PDSS1: variants seen among roughly 807,000 people sequenced by gnomAD.
The protein encoded by PDSS1 is all trans-polyprenyl-diphosphate synthase PDSS1.
Under a neutral mutation model 57.5 loss-of-function variants are expected in PDSS1, and 43 were observed. That is an observed-to-expected ratio of 0.75 (90% CI 0.59 to 0.96). The LOEUF (loss-of-function observed/expected upper bound fraction) is 0.96, where lower values mean the gene tolerates loss of function less well. PDSS1 is among the 50% of genes least tolerant of loss of function. The pLI is 0.00. For missense variants in PDSS1, 438 were observed against 527.8 expected (o/e 0.83, Z 1.67); for synonymous variants, 175 against 191.3 (o/e 0.91, Z 0.70).
At chr10:26,709,122 G>T (rs1255647492) in intron 4 of PDSS1, among the ~76,000 whole-genome samples, 1 of 152,166 alleles carries the variant, frequency 6.6e-6, no homozygotes, top group Non-Finnish European at 1.5e-5. Context: ...TAGCATTCAG[G>T]CCACTTGGGG....
At position 26,724,057 on chromosome 10, in the gene PDSS1, A is replaced by G. The variant is rs2132269797; in HGVS notation, c.765A>G (p.Arg255=). The change falls in exon 8 of 12, where the codon AGA becomes AGG. Residue 255 remains arginine (R), a synonymous_variant. Coordinates refer to ENST00000376215, the MANE Select transcript of PDSS1 (RefSeq NM_014317.5). The part of the protein sequence containing the change: ...QLGSKENENE[R]FAHYLEKTFK... ...GGTCAAAAGAAAATGAGAATGAAAG[A>G]TTTGCACACTACCTTGAGAAGACAT... 6.2e-7 allele frequency: 1 copy of G among 1,614,110 alleles called. No homozygotes were observed. The highest frequency in any genetic ancestry group is 1.3e-5 in the African/African-American group (1 of 75,036).
chr10:26,723,777 C>T lies in PDSS1; in HGVS notation c.610-29C>T, dbSNP rs149808733. 186 of 1,459,130 alleles carry T rather than the reference C, an allele frequency of 1.3e-4. No homozygotes were observed. The African/African-American group carries it at 1.6e-3, about 13-fold the overall frequency. The allele number at this position is 1,459,130 out of a possible 1,614,324, so 90.4% of individuals were successfully genotyped here. On this transcript the variant is annotated intron_variant, in intron 6 of 11. Transcript: ENST00000376215. Reference sequence around the variant, plus strand: ...TACTGCTCTGATGGATTTTTCAGAACGTTCTGTTTTCCCCCTGTCTTTTTC... The same window carrying T: ...TACTGCTCTGATGGATTTTTCAGAATGTTCTGTTTTCCCCCTGTCTTTTTC...
intron 8 of PDSS1, among the ~76,000 whole-genome samples, chr10:26,724,920 A>G (rs1835904522): frequency 6.6e-6 from 1 of 152,166 alleles, no homozygotes; most frequent in Non-Finnish European, 1.5e-5. Context: ...TTTTACATGA[A>G]ATATAAACAA....
chr10:26,738,360 G>A (rs1836473081), intron 10 of PDSS1, among the ~76,000 whole-genome samples: 1 of 152,168 alleles, frequency 6.6e-6, no homozygotes, highest in Non-Finnish European at 1.5e-5. Context: ...TCTGGTAAAT[G>A]GCACAGCAGG....
chr10:26,730,068 A>G (rs1259260221), intron 8 of PDSS1, among the ~76,000 whole-genome samples: 6 of 151,394 alleles, frequency 4.0e-5, no homozygotes, highest in Non-Finnish European at 7.4e-5. Context: ...GCCCGCTACC[A>G]CGCCCGGCTA....
At chr10:26,714,443 C>T (rs978688293) in intron 5 of PDSS1, among the ~76,000 whole-genome samples, 1 of 148,954 alleles carries the variant, frequency 6.7e-6, no homozygotes, top group African/African-American at 2.5e-5. Flanking sequence ...CCACTGCACT[C>T]CAGCCTAGGG....
chr10:26,719,251 G>C lies in PDSS1; in HGVS notation c.468-967G>C, dbSNP rs112923632. Among the ~76,000 whole-genome samples, 282 of 152,332 alleles carry C rather than the reference G, an allele frequency of 1.9e-3. 1 individual carries two copies. The highest frequency in any genetic ancestry group is 6.5e-3 in the African/African-American group (269 of 41,576). On this transcript the variant is annotated intron_variant, in intron 5 of 11. Transcript: ENST00000376215. ...AATTTAGTTTTTAAAAATTGCCATA[G>C]ATGATGGTGGTAATAATGATTAAAA...
intron 6 of PDSS1, among the ~76,000 whole-genome samples, chr10:26,721,902 A>G (rs904347538): frequency 6.6e-6 from 1 of 152,174 alleles, no homozygotes; most frequent in African/African-American, 2.4e-5. Flanking sequence ...GCACAGGGCT[A>G]CTTGCCAGTT....
At chr10:26,709,561 C>CAAA in intron 4 of PDSS1, 77 bp from the exon 5 acceptor site, 2 of 1,153,722 alleles carry the variant, frequency 1.7e-6, no homozygotes, top group Non-Finnish European at 2.4e-6. Flanking sequence ...AACTCCGTCT[C>CAAA]AAAAAAAAAA....
chr10:26,732,583 G>A (rs1836250638), intron 8 of PDSS1, among the ~76,000 whole-genome samples: 1 of 152,188 alleles, frequency 6.6e-6, no homozygotes, highest in Admixed American at 6.5e-5. Context: ...TCAGGTTCCA[G>A]CGTGTTGGAG....
In PDSS1 at chr10:26,746,428, T is replaced by C; in HGVS notation, c.1203T>C (p.Asp401=). The C allele has an allele frequency of 6.2e-7, 1 of 1,613,976 alleles. No homozygotes were observed. Among genetic ancestry groups the C allele is most frequent in the Non-Finnish European group, 8.5e-7 (1 of 1,179,846 alleles). Residue 401 remains aspartate, a synonymous_variant, in exon 12 of 12, where the codon GAT becomes GAC. Transcript: ENST00000376215. Reference sequence around the variant, plus strand: ...AACTTCGACCATCCCCAGAAAGAGATGCCCTCATTCAGCTTTCAGAAATTG... The same window carrying C: ...AACTTCGACCATCCCCAGAAAGAGACGCCCTCATTCAGCTTTCAGAAATTG... ...ISKLRPSPER[D]ALIQLSEIVL...
intron 8 of PDSS1, among the ~76,000 whole-genome samples, chr10:26,728,843 A>G (rs964175304): frequency 7.0e-6 from 1 of 142,362 alleles, no homozygotes; most frequent in African/African-American, 2.7e-5. Flanking sequence ...CAGTGGTGCA[A>G]TCTCAGCTCA....
chr10:26,714,066 G>A (rs1016258843), intron 5 of PDSS1, among the ~76,000 whole-genome samples: 5 of 152,074 alleles, frequency 3.3e-5, no homozygotes, highest in South Asian at 2.1e-4. Context: ...GGATAATCCC[G>A]AATAAACATC....
chr10:26,728,870 C>G (rs865787436), intron 8 of PDSS1, among the ~76,000 whole-genome samples: 37 of 149,798 alleles, frequency 2.5e-4, no homozygotes, highest in African/African-American at 8.8e-4. Flanking sequence ...CCTCCACCTC[C>G]CGGGCTCAGG....
chr10:26,721,699 A>G (rs1485098177), intron 6 of PDSS1, among the ~76,000 whole-genome samples: 1 of 152,188 alleles, frequency 6.6e-6, no homozygotes, highest in Non-Finnish European at 1.5e-5. Flanking sequence ...ATCTGTTTTC[A>G]GGCATAGCCA....
Position 26,697,825 on chromosome 10 carries a change from C to T in PDSS1, c.114C>T (p.Ala38=). The change falls in exon 1 of 12, where the codon GCC becomes GCT. Residue 38 remains alanine, a synonymous_variant. Transcript: ENST00000376215. ...GACCGTTGGGGCCGAGCGCCGCTGCCGAAGTCCGCGCGCAGGTGAGGTTGG... is the reference window on the plus strand; with the variant it reads ...GACCGTTGGGGCCGAGCGCCGCTGCTGAAGTCCGCGCGCAGGTGAGGTTGG... ...RAGPLGPSAA[A]EVRAQVHRRK... 7.5e-7 allele frequency: 1 copy of T among 1,339,156 alleles called. No individual in the cohort carries two copies. The highest frequency in any genetic ancestry group is 9.6e-7 in the Non-Finnish European group (1 of 1,039,184). The allele number at this position is 1,339,156 out of a possible 1,614,324, so 83.0% of individuals were successfully genotyped here. A position where few individuals can be genotyped will look rare whatever the true frequency, so the allele number is the denominator to read the frequency against.
At position 26,712,696 on chromosome 10, in the gene PDSS1, G is replaced by C. The variant is rs1297880265; in HGVS notation, c.467+2928G>C. 6.1e-5 allele frequency among the ~76,000 whole-genome samples: 6 copies of C among 98,886 alleles called. 2 individuals carry two copies. The highest frequency in any genetic ancestry group is 1.4e-4 in the Non-Finnish European group (6 of 42,632). The allele number at this position is 98,886 out of a possible 152,430, so 64.9% of individuals were successfully genotyped here. On this transcript the variant is annotated intron_variant, in intron 5 of 11. Coordinates refer to ENST00000376215, the MANE Select transcript of PDSS1 (RefSeq NM_014317.5). ...GAAGAAGGGATGAGGCTTCTGGAGA[G>C]CTGGGCCATTTGTGATTTTGCTTTT...
At chr10:26,741,722 G>A (rs1323326374) in intron 10 of PDSS1, among the ~76,000 whole-genome samples, 1 of 152,114 alleles carries the variant, frequency 6.6e-6, no homozygotes, top group Non-Finnish European at 1.5e-5. Flanking sequence ...CAAAATGTTG[G>A]CAGAGACCAG....
In PDSS1 at chr10:26,739,604, T is replaced by A. The variant is rs144866351; in HGVS notation, c.1027-2893T>A. Among the ~76,000 whole-genome samples, 687 of 152,308 alleles carry A rather than the reference T, an allele frequency of 4.5e-3. 6 individuals carry two copies. Among genetic ancestry groups the A allele is most frequent in the African/African-American group, 0.015 (640 of 41,560 alleles). ...CACTTGCTGGTACTGTAGAAAAAGC[T>A]TATACATCATAAACAAGGTAATGTC... On this transcript the variant is annotated intron_variant, in intron 10 of 11. Transcript: ENST00000376215.
Sources: gnomAD v4.1 joint callset for allele counts (sites outside exome capture counted in the v4.1 genomes callset) on GRCh38, gnomAD v4.1.1 for gene constraint, MANE v1.5 for transcripts, NCBI Gene and HGNC (gene_info 2026-07-23, HGNC 2026-07-21) for gene names.